Variants in ALDH1L1 observed in about 807,000 individuals in gnomAD.
The protein encoded by ALDH1L1 is cytosolic 10-formyltetrahydrofolate dehydrogenase.
ALDH1L1 carries 68 observed loss-of-function variants against 101.1 expected under a neutral mutation model. The ratio of observed to expected loss-of-function variants is 0.67; its 90% CI spans 0.55 to 0.82. ALDH1L1 has a LOEUF of 0.82. ALDH1L1 is among the 40% of genes least tolerant of loss of function. The pLI is 0.00. For synonymous variants in ALDH1L1, 486 were observed against 470.8 expected, an observed-to-expected ratio of 1.03 and a Z score of -0.42; for missense variants, 1,087 against 1,172.7, an observed-to-expected ratio of 0.93 and a Z score of 1.07.
chr3:126,136,323 C>T (rs908575059), intron 11 of ALDH1L1, among the ~76,000 whole-genome samples: 22 of 152,144 alleles, frequency 1.4e-4, no homozygotes, highest in African/African-American at 5.1e-4. Flanking sequence ...CTACCATAGG[C>T]GTGCTTTGGC....
At position 126,126,857 on chromosome 3, in the gene ALDH1L1, G is replaced by A. The variant is rs561738692; in HGVS notation, c.1695-1136C>T. ...AGGATGTGGTAGCACTGGGGTGGGCGGGCCCCTAATTTAGGAGGAATGCTG... is the reference window on the plus strand; with the variant it reads ...AGGATGTGGTAGCACTGGGGTGGGCAGGCCCCTAATTTAGGAGGAATGCTG... On this transcript the variant is annotated intron_variant, in intron 14 of 22. Coordinates refer to ENST00000393434, the MANE Select transcript of ALDH1L1 (RefSeq NM_012190.4). Among the ~76,000 whole-genome samples, 7 of 152,266 alleles carry A rather than the reference G, an allele frequency of 4.6e-5. No individual in the cohort carries two copies. The South Asian group carries it at 1.0e-3, about 23-fold the overall frequency.
At chr3:126,111,882 C>A (rs967890545) in intron 19 of ALDH1L1, among the ~76,000 whole-genome samples, 1 of 152,166 alleles carries the variant, frequency 6.6e-6, no homozygotes, top group Non-Finnish European at 1.5e-5. Flanking sequence ...GCTTGCTCCC[C>A]CCCTGGTATC....
chr3:126,105,663 GT>G, intron 22 of ALDH1L1, 62 bp downstream of exon 22: 1 of 1,588,924 alleles, frequency 6.3e-7, no homozygotes, highest in Non-Finnish European at 8.6e-7. Context: ...GCCCTAAGTG[GT>G]TTTGAACAGA....
In ALDH1L1 at chr3:126,161,982, A is replaced by G. The variant is rs190870656; in HGVS notation, c.-23-980T>C. ...TATGTATTCATTTTACATAAATGGA[A>G]CCATGCAGTGTTTTGTAGATTTTCT... On this transcript the variant is annotated intron_variant, in intron 1 of 22. Transcript: ENST00000393434. 9.2e-5 allele frequency among the ~76,000 whole-genome samples: 14 copies of G among 152,208 alleles called. No homozygotes were observed. The East Asian group carries it at 2.1e-3, about 23-fold the overall frequency.
intron 5 of ALDH1L1, 48 bp from the exon 6 acceptor site, chr3:126,154,691 C>G: frequency 1.3e-6 from 2 of 1,560,460 alleles, no homozygotes; most frequent in Non-Finnish European, 1.8e-6. Context: ...CCTCACTCCC[C>G]TCCCACCCTG....
chr3:126,107,951 C>T (rs1297903990), intron 20 of ALDH1L1: 3 of 152,180 alleles, frequency 2.0e-5, no homozygotes, highest in African/African-American at 4.8e-5. Flanking sequence ...TCAATCCTGC[C>T]TAACTTAGGA....
intron 14 of ALDH1L1, among the ~76,000 whole-genome samples, chr3:126,127,522 A>G (rs1220638137): frequency 1.3e-5 from 2 of 152,026 alleles, no homozygotes; most frequent in Non-Finnish European, 2.9e-5. Context: ...TCTCGGGAGC[A>G]TGGAGCCTGG....
chr3:126,172,101 G>A (rs1269866044), intron 1 of ALDH1L1, among the ~76,000 whole-genome samples: 1 of 152,122 alleles, frequency 6.6e-6, no homozygotes, highest in African/African-American at 2.4e-5. Context: ...TCCTAGACAG[G>A]TAAATATCAA....
chr3:126,126,392 C>T (rs112195939), intron 14 of ALDH1L1, among the ~76,000 whole-genome samples: 2 of 152,164 alleles, frequency 1.3e-5, no homozygotes, highest in Admixed American at 1.3e-4. Flanking sequence ...TTTGGTTGAG[C>T]GCTGGACAGT....
intron 9 of ALDH1L1, among the ~76,000 whole-genome samples, chr3:126,141,776 C>T (rs892587291): frequency 6.6e-6 from 1 of 151,856 alleles, no homozygotes; most frequent in African/African-American, 2.4e-5. Flanking sequence ...CAGTAACCTA[C>T]ACTGTACACC....
intron 7 of ALDH1L1, chr3:126,152,952 C>T (rs1344210910): frequency 1.2e-5 from 3 of 243,420 alleles, no homozygotes; most frequent in African/African-American, 4.5e-5. Context: ...TTGCTGGTAC[C>T]GTGAGTTGTA....
At chr3:126,115,965 C>T (rs575617829) in intron 17 of ALDH1L1, among the ~76,000 whole-genome samples, 11 of 151,688 alleles carry the variant, frequency 7.3e-5, no homozygotes, top group African/African-American at 2.4e-4. Context: ...CTCCGCCTTC[C>T]GGATTCAAGC....
At chr3:126,187,448 GA>G (rs935201069) in intron 1 of ALDH1L1, among the ~76,000 whole-genome samples, 5 of 152,074 alleles carry the variant, frequency 3.3e-5, no homozygotes, top group Non-Finnish European at 5.9e-5. Flanking sequence ...CTAAAGAGTG[GA>G]GTAAGGTCAT....
chr3:126,155,676 T>G (rs1576467833), intron 4 of ALDH1L1, 173 bp from the exon 5 acceptor site: 1 of 542,926 alleles, frequency 1.8e-6, no homozygotes, highest in East Asian at 3.2e-5. Context: ...TGAACCTAAC[T>G]TCTATTGCAC....
At chr3:126,119,958 A>G (rs954935937) in intron 16 of ALDH1L1, among the ~76,000 whole-genome samples, 1 of 152,248 alleles carries the variant, frequency 6.6e-6, no homozygotes, top group South Asian at 2.1e-4. Flanking sequence ...AACAACAAAA[A>G]TCCACAACAC....
At position 126,136,754 on chromosome 3, in the gene ALDH1L1, C is replaced by G. The variant is rs1334964141; in HGVS notation, c.1344+10G>C. ...GGAATGTGGAGAAGGGGTGCTGGGC[C>G]TGCACTCACACTTCCATCGGTGGGA... On this transcript the variant is annotated intron_variant, in intron 11 of 22. Coordinates refer to ENST00000393434, the MANE Select transcript of ALDH1L1 (RefSeq NM_012190.4). 1 of 1,562,142 alleles carries G rather than the reference C, an allele frequency of 6.4e-7. No homozygotes were observed. Among genetic ancestry groups the G allele is most frequent in the Non-Finnish European group, 8.7e-7 (1 of 1,152,476 alleles).
At chr3:126,114,777 G>A (rs899089019) in intron 17 of ALDH1L1, 121 bp from the exon 18 acceptor site, 2 of 910,400 alleles carry the variant, frequency 2.2e-6, no homozygotes, top group East Asian at 2.5e-5. Context: ...GCAAGACCCG[G>A]CCAGTGCCTC....
chr3:126,130,387 G>T, intron 13 of ALDH1L1, 94 bp from the exon 14 acceptor site: 1 of 1,200,394 alleles, frequency 8.3e-7, no homozygotes, highest in Non-Finnish European at 1.1e-6. Context: ...CCAGGAGGAA[G>T]TCAAAGCGAC....
At chr3:126,172,235 C>T (rs1190345546) in intron 1 of ALDH1L1, among the ~76,000 whole-genome samples, 2 of 152,014 alleles carry the variant, frequency 1.3e-5, no homozygotes, top group Non-Finnish European at 2.9e-5. Context: ...GAAACAAGCA[C>T]CTAAACCACA....
Sources: gnomAD v4.1 joint callset for allele counts (sites outside exome capture counted in the v4.1 genomes callset) on GRCh38, gnomAD v4.1.1 for gene constraint, MANE v1.5 for transcripts, NCBI Gene and HGNC (gene_info 2026-07-23, HGNC 2026-07-21) for gene names.